The following TTLL5 variants were observed in gnomAD, a reference collection of about 807,000 sequenced individuals.
TTLL5 encodes tubulin polyglutamylase TTLL5.
Under a neutral mutation model 168.4 loss-of-function variants are expected in TTLL5, and 132 were observed. The ratio of observed to expected loss-of-function variants is 0.78; its 90% CI spans 0.68 to 0.91. The LOEUF (loss-of-function observed/expected upper bound fraction) is 0.91, where lower values mean the gene tolerates loss of function less well. TTLL5 is among the 40% of genes least tolerant of loss of function. The pLI, the probability that TTLL5 is intolerant of heterozygous loss-of-function variation, is 0.00. For missense variants in TTLL5, 1,545 were observed against 1,581.5 expected (o/e 0.98, Z 0.39); for synonymous variants, 546 against 558.6 (o/e 0.98, Z 0.32).
At chr14:75,669,819 A>G (rs1464736985) in intron 3 of TTLL5, among the ~76,000 whole-genome samples, 1 of 152,238 alleles carries the variant, frequency 6.6e-6, no homozygotes, top group South Asian at 2.1e-4. Flanking sequence ...TGTTTAGTAC[A>G]TTCACAATGT....
At chr14:75,798,454 A>T (rs1893109616) in intron 27 of TTLL5, among the ~76,000 whole-genome samples, 1 of 147,742 alleles carries the variant, frequency 6.8e-6, no homozygotes. Flanking sequence ...TGTTTGTATC[A>T]ATTTTATTTA....
intron 27 of TTLL5, among the ~76,000 whole-genome samples, chr14:75,818,372 G>A (rs1894598611): frequency 6.6e-6 from 1 of 151,930 alleles, no homozygotes; most frequent in Non-Finnish European, 1.5e-5. Flanking sequence ...GTTTGTGTGT[G>A]TATGTGTTTA....
chr14:75,738,853 G>A (rs1397123423), intron 15 of TTLL5, among the ~76,000 whole-genome samples: 1 of 152,168 alleles, frequency 6.6e-6, no homozygotes, highest in African/African-American at 2.4e-5. Context: ...CACCCAGGCT[G>A]GAGTGCAGTG....
rs1278065126 is a variant in TTLL5 at position 75,766,042 on chromosome 14, T to G, written c.1709-20T>G. On this transcript the variant is annotated intron_variant, in intron 19 of 31. Coordinates refer to ENST00000298832, the MANE Select transcript of TTLL5 (RefSeq NM_015072.5). ...CATTTAATCCTTTTTTCAGCAACAT[T>G]AGTGATTCTTCGTATTTAGTGATTA... 1 of 1,592,590 alleles carries G rather than the reference T, an allele frequency of 6.3e-7. No individual in the cohort carries two copies. Among genetic ancestry groups the G allele is most frequent in the Non-Finnish European group, 8.6e-7 (1 of 1,168,818 alleles).
intron 21 of TTLL5, among the ~76,000 whole-genome samples, chr14:75,773,919 TATATATATAGAG>T (rs1352231398): frequency 3.3e-5 from 1 of 30,326 alleles, no homozygotes; most frequent in Non-Finnish European, 6.4e-5. Flanking sequence ...TATATATATA[TATATATATAGAG>T]AGAGAGAGAG....
rs61154954 is a variant in TTLL5 at position 75,813,194 on chromosome 14, C to CTGTGTGTGTGTG, written c.3172-6793_3172-6782dup. On this transcript the variant is annotated intron_variant, in intron 27 of 31. Transcript: ENST00000298832. ...TGCTTAGCATGTTGCCTGGAACAAG[C>CTGTGTGTGTGTG]TGTGTGTGTGTGTGTGTGTGTGTGT... 6.7e-4 allele frequency among the ~76,000 whole-genome samples: 96 copies of CTGTGTGTGTGTG among 142,524 alleles called. 1 individual carries two copies. Among genetic ancestry groups the CTGTGTGTGTGTG allele is most frequent in the Middle Eastern group, 3.6e-3 (1 of 280 alleles). The allele number at this position is 142,524 out of a possible 152,430, so 93.5% of individuals were successfully genotyped here.
intron 27 of TTLL5, 49 bp from the exon 28 acceptor site, chr14:75,819,957 CT>C: frequency 6.5e-7 from 1 of 1,541,648 alleles, no homozygotes; most frequent in Non-Finnish European, 8.7e-7. Flanking sequence ...GTTAATGATG[CT>C]TTTTAAAAAC....
chr14:75,734,816 C>A (rs1360859878), intron 14 of TTLL5, among the ~76,000 whole-genome samples: 1 of 152,204 alleles, frequency 6.6e-6, no homozygotes, highest in Non-Finnish European at 1.5e-5. Flanking sequence ...GTAAAAATAA[C>A]TTTATTTTCC....
intron 6 of TTLL5, among the ~76,000 whole-genome samples, chr14:75,697,127 C>T (rs1433680096): frequency 6.6e-6 from 1 of 152,200 alleles, no homozygotes; most frequent in Non-Finnish European, 1.5e-5. Context: ...TAAACAGCCA[C>T]ACCCCTTTGC....
In TTLL5 at chr14:75,690,251, C is replaced by T. The variant is rs200596181; in HGVS notation, c.431C>T (p.Thr144Ile). The T allele has an allele frequency of 1.2e-4, 193 of 1,612,498 alleles. No individual in the cohort carries two copies. The highest frequency in any genetic ancestry group is 1.4e-4 in the Non-Finnish European group (163 of 1,179,378). Residue 144 changes from threonine to isoleucine, a missense_variant, in exon 6 of 32, where the codon ACA becomes ATA. Thr to Ile is a moderately conservative substitution (Grantham distance 89). Coordinates refer to ENST00000298832, the MANE Select transcript of TTLL5 (RefSeq NM_015072.5). ...LYKNIIRMQH[T>I]HGFKAFHILP... is the part of the protein sequence containing the mutation. ...AAAAACATTATTCGAATGCAGCATA[C>T]ACATGGATTCAAGGCTTTTCACATC...
chr14:75,949,971 G>A (rs1007518801), intron 31 of TTLL5, among the ~76,000 whole-genome samples: 4 of 152,080 alleles, frequency 2.6e-5, no homozygotes, highest in African/African-American at 9.7e-5. Context: ...TTATATGAAA[G>A]AGAGAAGAAC....
intron 27 of TTLL5, among the ~76,000 whole-genome samples, chr14:75,795,175 C>G (rs1221525640): frequency 6.6e-6 from 1 of 152,206 alleles, no homozygotes; most frequent in Non-Finnish European, 1.5e-5. Flanking sequence ...TTGAGCAGTT[C>G]ACTCAACTTC....
At chr14:75,789,107 G>T (rs1309905917) in intron 26 of TTLL5, among the ~76,000 whole-genome samples, 1 of 152,088 alleles carries the variant, frequency 6.6e-6, no homozygotes. Context: ...TAAAAAAAGG[G>T]TATTTGCCAA....
chr14:75,816,705 A>G (rs146740271), intron 27 of TTLL5, among the ~76,000 whole-genome samples: 7 of 152,332 alleles, frequency 4.6e-5, no homozygotes, highest in African/African-American at 1.4e-4. Context: ...AGAAGCTGTT[A>G]GTTATCATAA....
chr14:75,901,734 A>G (rs560862135), intron 30 of TTLL5, among the ~76,000 whole-genome samples: 13 of 152,280 alleles, frequency 8.5e-5, no homozygotes, highest in African/African-American at 3.1e-4. Context: ...ACTCTTCCAC[A>G]TGAGACTTGC....
intron 31 of TTLL5, among the ~76,000 whole-genome samples, chr14:75,940,822 A>T (rs1020846650): frequency 6.6e-6 from 1 of 152,260 alleles, no homozygotes; most frequent in Admixed American, 6.5e-5. Flanking sequence ...AATCCAGAAT[A>T]GGGGGAACAT....
At chr14:75,910,688 G>A (rs1219239628) in intron 31 of TTLL5, among the ~76,000 whole-genome samples, 2 of 152,262 alleles carry the variant, frequency 1.3e-5, no homozygotes, top group African/African-American at 4.8e-5. Context: ...GATCTGTAGA[G>A]TTTGAACCAG....
intron 31 of TTLL5, among the ~76,000 whole-genome samples, chr14:75,943,857 A>C (rs1476091660): frequency 6.6e-6 from 1 of 152,232 alleles, no homozygotes; most frequent in Non-Finnish European, 1.5e-5. Flanking sequence ...GCAGATTTGA[A>C]ATAGAACTAA....
intron 28 of TTLL5, among the ~76,000 whole-genome samples, chr14:75,824,653 A>G (rs1895017503): frequency 6.6e-6 from 1 of 152,170 alleles, no homozygotes; most frequent in Non-Finnish European, 1.5e-5. Flanking sequence ...TCTGTTGCAG[A>G]ATGATGTGAA....
Sources: gnomAD v4.1 joint callset for allele counts (sites outside exome capture counted in the v4.1 genomes callset) on GRCh38, gnomAD v4.1.1 for gene constraint, MANE v1.5 for transcripts, NCBI Gene and HGNC (gene_info 2026-07-23, HGNC 2026-07-21) for gene names.